CCNL1: variants seen among roughly 807,000 people sequenced by gnomAD.
CCNL1 encodes cyclin L1, also known as cyclin-L1.
In CCNL1, 13 loss-of-function variants were observed where a neutral mutation model predicts 60.6. The observed-to-expected ratio is 0.21, with a 90% CI of 0.14 to 0.34. CCNL1 has a LOEUF of 0.34. Among genes scored for constraint, CCNL1 ranks in the 10% least tolerant of loss-of-function variants. The pLI is 1.00. For missense variants in CCNL1, 481 were observed against 664.3 expected, an observed-to-expected ratio of 0.72 and a Z score of 3.03; for synonymous variants, 270 against 244.3, an observed-to-expected ratio of 1.10 and a Z score of -0.98.
intron 5 of CCNL1, chr3:157,151,798 G>A: frequency 1.8e-6 from 2 of 1,095,808 alleles, no homozygotes; most frequent in Non-Finnish European, 2.2e-6. Context: ...GATGGATATG[G>A]ACCACTTCAG....
downstream of CCNL1, among the ~76,000 whole-genome samples, chr3:157,144,519 G>A (rs1467363370): frequency 1.3e-5 from 2 of 152,202 alleles, no homozygotes; most frequent in East Asian, 3.8e-4. Flanking sequence ...CCATGTAATG[G>A]AATGTTCAAA....
At position 157,149,722 on chromosome 3, in the gene CCNL1, T is replaced by C. The variant is rs138155773; in HGVS notation, c.1021+114A>G. The C allele has an allele frequency of 1.3e-4, 196 of 1,461,558 alleles. No homozygotes were observed. The East Asian group carries it at 1.7e-3, about 13-fold the overall frequency. The allele number at this position is 1,461,558 out of a possible 1,614,324, so 90.5% of individuals were successfully genotyped here. ...GTTGGTTGACTGCCATGAGAGAACA[T>C]AGCAGCAGTTTCCTAACATCATTTT... On this transcript the variant is annotated intron_variant, in intron 8 of 10. Transcript: ENST00000295926.
downstream of CCNL1, chr3:157,146,639 A>G (rs1036487943): frequency 1.0e-5 from 4 of 400,052 alleles, no homozygotes; most frequent in Admixed American, 1.2e-4. Flanking sequence ...TTAAAAAAAA[A>G]AATCAACATT....
intron 5 of CCNL1, chr3:157,151,160 A>C: frequency 5.1e-6 from 5 of 984,762 alleles, no homozygotes; most frequent in Non-Finnish European, 6.0e-6. Context: ...CACATACTTA[A>C]AATGTCATGC....
intron 3 of CCNL1, chr3:157,156,794 G>T (rs1326630660): frequency 3.6e-6 from 2 of 551,972 alleles, no homozygotes; most frequent in East Asian, 6.9e-5. Context: ...CCTAACCAAT[G>T]TATAATACTG....
chr3:157,149,429 A>C (rs935368246), intron 9 of CCNL1, 44 bp from the exon 10 acceptor site: 1 of 1,608,924 alleles, frequency 6.2e-7, no homozygotes, highest in Admixed American at 1.7e-5. Context: ...TAGTGTGTTA[A>C]AAAGTAAACA....
chr3:157,147,885 T>G lies in CCNL1; in HGVS notation c.*356A>C. 2.0e-6 allele frequency: 2 copies of G among 1,005,658 alleles called. No homozygotes were observed. The highest frequency in any genetic ancestry group is 2.4e-6 in the Non-Finnish European group (2 of 843,436). The allele number at this position is 1,005,658 out of a possible 1,614,324, so 62.3% of individuals were successfully genotyped here. ...GTGTTAAGAAAGTATTCACCATCAT[T>G]TAAACAAATAACCACTTAAATAGAA... is the stretch of plus-strand genomic sequence containing the variant. On this transcript the variant is annotated 3_prime_UTR_variant, in exon 11 of 11. Transcript: ENST00000295926.
chr3:157,156,606 C>T (rs144865979), intron 3 of CCNL1, among the ~76,000 whole-genome samples: 76 of 152,262 alleles, frequency 5.0e-4, no homozygotes, highest in African/African-American at 1.7e-3. Context: ...AGCACTGGTA[C>T]TTTTTAAAAA....
At chr3:157,148,854 A>G (rs1737944399) in intron 10 of CCNL1, 2 of 415,878 alleles carry the variant, frequency 4.8e-6, no homozygotes, top group East Asian at 7.9e-5. Flanking sequence ...TTTATTAAGT[A>G]TCTCCCACAT....
At chr3:157,155,826 T>C (rs536626009) in intron 3 of CCNL1, among the ~76,000 whole-genome samples, 12 of 152,312 alleles carry the variant, frequency 7.9e-5, no homozygotes, top group African/African-American at 2.9e-4. Flanking sequence ...GGAGGTGGCA[T>C]TTGAAAATCT....
intron 2 of CCNL1, 84 bp downstream of exon 2, chr3:157,159,321 T>C: frequency 7.7e-7 from 1 of 1,298,230 alleles, no homozygotes; most frequent in Non-Finnish European, 1.1e-6. Flanking sequence ...ACTCCCTTTC[T>C]GGAAAAGCTG....
chr3:157,143,911 A>T (rs1737710427), downstream of CCNL1, among the ~76,000 whole-genome samples: 1 of 152,198 alleles, frequency 6.6e-6, no homozygotes, highest in Admixed American at 6.5e-5. Context: ...TGGAGGCTTT[A>T]TATATTAGAG....
At chr3:157,158,180 T>C (rs1000818493) in intron 3 of CCNL1, among the ~76,000 whole-genome samples, 5 of 152,220 alleles carry the variant, frequency 3.3e-5, no homozygotes, top group African/African-American at 7.2e-5. Flanking sequence ...ACTATTTCAG[T>C]CTCTGTATTT....
rs1737875588 is a variant in CCNL1 at position 157,148,163 on chromosome 3, A to ATG, written c.*76_*77dup. On this transcript the variant is annotated 3_prime_UTR_variant, in exon 11 of 11. Coordinates refer to ENST00000295926, the MANE Select transcript of CCNL1 (RefSeq NM_020307.4). ...TCAAATCCTAATCAGTTTGCGTTTA[A>ATG]TGTTTTTGATTGAGTCCATACATCA... The ATG allele has an allele frequency of 6.6e-7, 1 of 1,518,258 alleles. No homozygotes were observed. The highest frequency in any genetic ancestry group is 1.4e-5 in the African/African-American group (1 of 71,834). 94.0% of individuals were successfully genotyped at this position (1,518,258 alleles called of 1,614,324 possible). A position where few individuals can be genotyped will look rare whatever the true frequency, so the allele number is the denominator to read the frequency against.
chr3:157,150,684 C>A, intron 5 of CCNL1: 3 of 1,064,244 alleles, frequency 2.8e-6, no homozygotes, highest in Admixed American at 4.7e-5. Context: ...CAATGCTTTT[C>A]AAAGTCAATT....
At chr3:157,152,931 T>C in intron 4 of CCNL1, 105 bp downstream of exon 4, 2 of 1,530,932 alleles carry the variant, frequency 1.3e-6, no homozygotes, top group South Asian at 1.3e-5. Flanking sequence ...GAATGCTTTT[T>C]AAAACCAAGG....
In CCNL1 at chr3:157,149,302, T is replaced by C. The variant is rs776471812; in HGVS notation, c.1217A>G (p.His406Arg). Residue 406 changes from histidine (H) to arginine (R), a missense_variant, in exon 10 of 11, where the codon CAT becomes CGT. Physicochemically the swap from His to Arg is conservative, Grantham distance 29. Transcript: ENST00000295926. ...ATTTACTTACTGTCTTCTTGGAGTA[T>C]GTGATCTAGAACGTGATCGTGTTCT... Reference protein sequence around the residue: ...RSRTRSRSRSHTPRRHYNNRR... With the variant: ...RSRTRSRSRSRTPRRHYNNRR... 3 of 1,612,114 alleles carry C rather than the reference T, an allele frequency of 1.9e-6. No individual in the cohort carries two copies. Among genetic ancestry groups the C allele is most frequent in the Admixed American group, 3.3e-5 (2 of 60,010 alleles).
intron 8 of CCNL1, 70 bp from the exon 9 acceptor site, chr3:157,149,666 G>GT: frequency 1.3e-6 from 2 of 1,490,066 alleles, no homozygotes; most frequent in African/African-American, 2.8e-5. Flanking sequence ...GTTTCTAAAT[G>GT]TAACTCAAAG....
chr3:157,158,834 A>C, intron 3 of CCNL1, 32 bp downstream of exon 3: 38 of 1,346,818 alleles, frequency 2.8e-5, no homozygotes, highest in Non-Finnish European at 3.9e-5. Context: ...AGCAGTAGCA[A>C]GAGATACTAT....
Sources: allele counts gnomAD v4.1 joint callset (sites outside exome capture counted in the v4.1 genomes callset), GRCh38; gene constraint gnomAD v4.1.1; transcripts MANE v1.5; gene names NCBI Gene and HGNC (gene_info 2026-07-23, HGNC 2026-07-21).